AFG2A: variants seen among roughly 807,000 people sequenced by gnomAD.
AFG2A encodes ATPase family gene 2 protein homolog A.
At chr4:122,964,467 G>A in the AFG2A span, among the ~76,000 whole-genome samples, 4 of 147,746 alleles carry the variant, frequency 2.7e-5, no homozygotes. Context: ...TCATGGCACT[G>A]CACTTCAGCC....
At chr4:123,206,161 C>T in the AFG2A span, among the ~76,000 whole-genome samples, 2 of 152,194 alleles carry the variant, frequency 1.3e-5, no homozygotes, top group Middle Eastern at 3.4e-3. Flanking sequence ...CATGATCAGA[C>T]CTTTCTACCA....
the AFG2A span, among the ~76,000 whole-genome samples, chr4:123,077,985 G>GA: frequency 6.6e-6 from 1 of 152,272 alleles, no homozygotes; most frequent in East Asian, 1.9e-4. Context: ...ATTTGTAAGA[G>GA]AAAATCATAT....
chr4:123,267,827 A>AC, the AFG2A span, among the ~76,000 whole-genome samples: 116,743 of 151,788 alleles, frequency 0.77, 45,751 homozygotes, highest in Non-Finnish European at 0.85. Context: ...TTCTGCTACT[A>AC]AGTAGTGATA....
chr4:123,220,538 C>T, the AFG2A span, among the ~76,000 whole-genome samples: 3,456 of 137,882 alleles, frequency 0.025, 70 homozygotes, highest in African/African-American at 0.062. Flanking sequence ...TGCTAGAACC[C>T]GGGAGGCAGG....
At chr4:123,106,702 GGGACTT>G in the AFG2A span, among the ~76,000 whole-genome samples, 1 of 152,194 alleles carries the variant, frequency 6.6e-6, no homozygotes, top group Non-Finnish European at 1.5e-5. Context: ...AGCAAAGAAG[GGGACTT>G]GGAGTGTTGC....
chr4:123,047,355 GAACATTTTTTCATAT>G, the AFG2A span, among the ~76,000 whole-genome samples: 1 of 148,434 alleles, frequency 6.7e-6, no homozygotes, highest in Non-Finnish European at 1.5e-5. Flanking sequence ...TTATGATGTC[GAACATTTTTTCATAT>G]AGTTATTGGC....
the AFG2A span, among the ~76,000 whole-genome samples, chr4:123,242,440 C>G: frequency 6.6e-6 from 1 of 152,216 alleles, no homozygotes; most frequent in South Asian, 2.1e-4. Flanking sequence ...TCAGAAATAA[C>G]ACCATGCATC....
the AFG2A span, among the ~76,000 whole-genome samples, chr4:123,023,607 C>T: frequency 6.6e-6 from 1 of 151,956 alleles, no homozygotes; most frequent in African/African-American, 2.4e-5. Context: ...AATTATTTAC[C>T]TTTTCCACAC....
At chr4:123,281,296 T>A in the AFG2A span, among the ~76,000 whole-genome samples, 24 of 152,306 alleles carry the variant, frequency 1.6e-4, no homozygotes, top group East Asian at 4.4e-3. Flanking sequence ...TGAATATTTG[T>A]CCCTAATATT....
At chr4:122,929,976 CA>C in the AFG2A span, among the ~76,000 whole-genome samples, 1 of 152,064 alleles carries the variant, frequency 6.6e-6, no homozygotes, top group Admixed American at 6.6e-5. Context: ...TTCATTGATG[CA>C]TATTTAGCAG....
At chr4:123,307,131 T>C in the AFG2A span, among the ~76,000 whole-genome samples, 2 of 152,230 alleles carry the variant, frequency 1.3e-5, no homozygotes, top group South Asian at 2.1e-4. Flanking sequence ...ACAATTCAGC[T>C]GAATTCCCCC....
the AFG2A span, among the ~76,000 whole-genome samples, chr4:123,245,287 A>G: frequency 6.6e-6 from 1 of 152,158 alleles, no homozygotes; most frequent in Non-Finnish European, 1.5e-5. Context: ...TTAAGAACCC[A>G]TGGGTTTATA....
At chr4:122,964,853 A>G in the AFG2A span, among the ~76,000 whole-genome samples, 1 of 152,212 alleles carries the variant, frequency 6.6e-6, no homozygotes, top group African/African-American at 2.4e-5. Flanking sequence ...TTAAAAATTT[A>G]TTTATTAATG....
the AFG2A span, among the ~76,000 whole-genome samples, chr4:123,009,577 T>G: frequency 6.6e-6 from 1 of 152,238 alleles, no homozygotes; most frequent in Non-Finnish European, 1.5e-5. Context: ...CCCTTGTAGA[T>G]TTTCACATTA....
chr4:123,059,782 T>C, the AFG2A span, among the ~76,000 whole-genome samples: 3 of 151,620 alleles, frequency 2.0e-5, no homozygotes, highest in African/African-American at 7.3e-5. Context: ...AGTGTAAAAG[T>C]GTTCCTATTT....
At chr4:123,256,390 A>G in the AFG2A span, among the ~76,000 whole-genome samples, 1 of 152,160 alleles carries the variant, frequency 6.6e-6, no homozygotes, top group African/African-American at 2.4e-5. Context: ...TGCTCCTATT[A>G]TTTCTCAAAA....
At chr4:123,216,209 G>A in the AFG2A span, among the ~76,000 whole-genome samples, 1 of 151,974 alleles carries the variant, frequency 6.6e-6, no homozygotes, top group Non-Finnish European at 1.5e-5. Context: ...TATTCCACTG[G>A]CTTTTTTTCA....
chr4:122,963,431 T>C, the AFG2A span, among the ~76,000 whole-genome samples: 1 of 152,146 alleles, frequency 6.6e-6, no homozygotes, highest in African/African-American at 2.4e-5. Context: ...TGGGTATTGG[T>C]TCACACTCAT....
the AFG2A span, among the ~76,000 whole-genome samples, chr4:123,241,527 A>G: frequency 6.6e-6 from 1 of 152,236 alleles, no homozygotes; most frequent in East Asian, 1.9e-4. Context: ...ACCAATGACA[A>G]AAACCACATG....
Sources: gnomAD v4.1 joint callset for allele counts (sites outside exome capture counted in the v4.1 genomes callset) on GRCh38, gnomAD v4.1.1 for gene constraint, MANE v1.5 for transcripts, NCBI Gene and HGNC (gene_info 2026-07-23, HGNC 2026-07-21) for gene names.